Variants in PTCHD4 observed in about 807,000 individuals in gnomAD.
The protein encoded by PTCHD4 is patched domain-containing protein 4.
In PTCHD4, 33 loss-of-function variants were observed where a neutral mutation model predicts 58.1. The ratio of observed to expected loss-of-function variants is 0.57; its 90% CI spans 0.43 to 0.76. The LOEUF (loss-of-function observed/expected upper bound fraction) is 0.76, where lower values mean the gene tolerates loss of function less well. Among genes scored for constraint, PTCHD4 ranks in the 30% least tolerant of loss-of-function variants. The pLI is 0.00. For synonymous variants in PTCHD4, 478 were observed against 409.6 expected (o/e 1.17, Z -2.02); for missense variants, 1,058 against 1,027.1 (o/e 1.03, Z -0.41).
chr6:48,021,780 A>T (rs1414951644), intron 3 of PTCHD4, among the ~76,000 whole-genome samples: 2 of 152,146 alleles, frequency 1.3e-5, no homozygotes. Flanking sequence ...GTCTAAGGTT[A>T]TATCAAATTT....
rs1415135716 is a variant in PTCHD4, at chr6:47,875,586, T to C, written c.*2717A>G. On this transcript the variant is annotated 3_prime_UTR_variant, in exon 5 of 5. Coordinates refer to ENST00000339488, the MANE Select transcript of PTCHD4 (RefSeq NM_001384253.1). ...GAGTACTACGGTGTCCTGGAAAAGA[T>C]AATGTTCCTTCCAAAATGCCCTCTA... is the stretch of plus-strand genomic sequence containing the variant. Among the ~76,000 whole-genome samples, 4 of 151,874 alleles carry C rather than the reference T, an allele frequency of 2.6e-5. No individual in the cohort carries two copies. Among genetic ancestry groups the C allele is most frequent in the Non-Finnish European group, 2.9e-5 (2 of 67,886 alleles).
chr6:48,072,166 T>C (rs574681059), intron 1 of PTCHD4, among the ~76,000 whole-genome samples: 2 of 152,274 alleles, frequency 1.3e-5, no homozygotes, highest in African/African-American at 4.8e-5. Flanking sequence ...AGAGTTAGGC[T>C]CTACCTCCTT....
In PTCHD4 at chr6:48,061,249, G is replaced by A. The variant is rs554842660; in HGVS notation, c.417+6981C>T. ...GAGATGGTTGGATTTAATTTCAACA[G>A]TTTTAGAAAATATTGAACGACTGTA... On this transcript the variant is annotated intron_variant, in intron 3 of 4. Coordinates refer to ENST00000339488, the MANE Select transcript of PTCHD4 (RefSeq NM_001384253.1). 3.4e-4 allele frequency among the ~76,000 whole-genome samples: 52 copies of A among 152,134 alleles called. 1 individual carries two copies. In the South Asian group the frequency reaches 8.8e-3, roughly 26 times the overall value.
chr6:47,911,341 G>A (rs1004009662), intron 4 of PTCHD4, among the ~76,000 whole-genome samples: 1 of 152,068 alleles, frequency 6.6e-6, no homozygotes, highest in Non-Finnish European at 1.5e-5. Flanking sequence ...CCACCCAAGG[G>A]CAGCTCTTGG....
At chr6:48,062,717 C>T (rs1764672349) in intron 3 of PTCHD4, among the ~76,000 whole-genome samples, 1 of 152,058 alleles carries the variant, frequency 6.6e-6, no homozygotes, top group South Asian at 2.1e-4. Context: ...GTGCTATGAT[C>T]AAAGTCTTTC....
intron 4 of PTCHD4, among the ~76,000 whole-genome samples, chr6:47,911,270 A>G (rs568569057): frequency 2.6e-5 from 4 of 152,156 alleles, no homozygotes; most frequent in African/African-American, 9.6e-5. Context: ...AAATGGCTGC[A>G]TCTCCTCTAG....
At position 47,864,315 on chromosome 6, in the gene PTCHD4, T is replaced by TACACACAC. The variant is rs57323341; in HGVS notation, c.*13980_*13987dup. ...GCCCATTATTTTTGAGATATATATA[T>TACACACAC]ACACACACACACACATATATATATA... On this transcript the variant is annotated 3_prime_UTR_variant, in exon 5 of 5. Transcript: ENST00000339488. Among the ~76,000 whole-genome samples the TACACACAC allele has an allele frequency of 0.037, 5,503 of 148,842 alleles. 332 individuals are homozygous for TACACACAC. The highest frequency in any genetic ancestry group is 0.12 in the African/African-American group (4,936 of 40,698).
intron 4 of PTCHD4, among the ~76,000 whole-genome samples, chr6:47,936,599 C>A (rs1384196654): frequency 6.6e-6 from 1 of 152,066 alleles, no homozygotes; most frequent in Non-Finnish European, 1.5e-5. Flanking sequence ...TTTCCTATAT[C>A]CCAGTGAAGT....
intron 4 of PTCHD4, among the ~76,000 whole-genome samples, chr6:47,887,839 G>C (rs907111755): frequency 1.3e-5 from 2 of 152,128 alleles, no homozygotes; most frequent in African/African-American, 2.4e-5. Flanking sequence ...TTTATACAAT[G>C]GCCAAAGCTT....
In PTCHD4 at chr6:47,876,536, A is replaced by C. The variant is rs1272382479; in HGVS notation, c.*1767T>G. Among the ~76,000 whole-genome samples, 1 of 151,986 alleles carries C rather than the reference A, an allele frequency of 6.6e-6. No individual in the cohort carries two copies. Among genetic ancestry groups the C allele is most frequent in the African/African-American group, 2.4e-5 (1 of 41,406 alleles). ...ATCAACTTCATTTCCAGAGACTATAACGAGAATGGAATGGTTTGTACCTTT... is the reference window on the plus strand; with the variant it reads ...ATCAACTTCATTTCCAGAGACTATACCGAGAATGGAATGGTTTGTACCTTT... On this transcript the variant is annotated 3_prime_UTR_variant, in exon 5 of 5. Transcript: ENST00000339488.
At chr6:47,997,386 G>T (rs558807188) in intron 4 of PTCHD4, among the ~76,000 whole-genome samples, 234 of 151,588 alleles carry the variant, frequency 1.5e-3, no homozygotes, top group African/African-American at 5.5e-3. Flanking sequence ...CTTTTATTAT[G>T]TCACCTCAAA....
chr6:47,975,930 C>A (rs1470847156), intron 4 of PTCHD4, among the ~76,000 whole-genome samples: 2 of 152,204 alleles, frequency 1.3e-5, no homozygotes, highest in Non-Finnish European at 2.9e-5. Flanking sequence ...GCTTTGATCC[C>A]ATTTCTGCCC....
chr6:47,888,032 C>T (rs955138191), intron 4 of PTCHD4, among the ~76,000 whole-genome samples: 1 of 152,160 alleles, frequency 6.6e-6, no homozygotes, highest in African/African-American at 2.4e-5. Flanking sequence ...TTGAAATATT[C>T]CCATCCCAGT....
At chr6:48,066,475 C>A (rs1024360885) in intron 3 of PTCHD4, among the ~76,000 whole-genome samples, 31 of 152,160 alleles carry the variant, frequency 2.0e-4, no homozygotes, top group African/African-American at 7.0e-4. Context: ...GACAAAGTTT[C>A]AAATCTTTCT....
chr6:48,068,796 C>CTA lies in PTCHD4; in HGVS notation c.5+156_6-155insTA. 3 of 661,420 alleles carry CTA rather than the reference C, an allele frequency of 4.5e-6. No homozygotes were observed. Among genetic ancestry groups the CTA allele is most frequent in the Non-Finnish European group, 7.6e-6 (3 of 393,428 alleles). The allele number at this position is 661,420 out of a possible 1,614,324, so 41.0% of individuals were successfully genotyped here. On this transcript the variant is annotated intron_variant, in intron 2 of 4. Coordinates refer to ENST00000339488, the MANE Select transcript of PTCHD4 (RefSeq NM_001384253.1). This position sits in a 1 kb window ranked among gnomAD's most constrained non-coding sequence, Gnocchi z 4.2. ...TCCGCCTGGTCTTTCCCCGGCCCCA[C>CTA]CTCCATGCGCTCCTACTACTCTTTC...
chr6:48,087,105 C>G (rs1217997497), intron 1 of PTCHD4, among the ~76,000 whole-genome samples: 1 of 152,184 alleles, frequency 6.6e-6, no homozygotes, highest in East Asian at 1.9e-4. Context: ...ATCCTCCCCT[C>G]TTTTCTATGC....
intron 4 of PTCHD4, among the ~76,000 whole-genome samples, chr6:47,985,772 T>C (rs1561991540): frequency 6.6e-6 from 1 of 151,744 alleles, no homozygotes; most frequent in East Asian, 1.9e-4. Context: ...TCAATATCCA[T>C]GGAATGTGCA....
At chr6:48,061,856 T>C (rs532005600) in intron 3 of PTCHD4, among the ~76,000 whole-genome samples, 2 of 152,340 alleles carry the variant, frequency 1.3e-5, no homozygotes, top group South Asian at 4.1e-4. Context: ...AGTCATTCCA[T>C]GATTCCACCC....
In PTCHD4 at chr6:47,999,981, C is replaced by T. The variant is rs77907053; in HGVS notation, c.898+8653G>A. Among the ~76,000 whole-genome samples, 43 of 152,258 alleles carry T rather than the reference C, an allele frequency of 2.8e-4. No homozygotes were observed. The East Asian group carries it at 6.7e-3, about 24-fold the overall frequency. On this transcript the variant is annotated intron_variant, in intron 4 of 4. Coordinates refer to ENST00000339488, the MANE Select transcript of PTCHD4 (RefSeq NM_001384253.1). ...TTGCCCATCTGTGTTTTCTATACTC[C>T]GTGCTGTTGGCTAGCCAATAGAATG... is the stretch of plus-strand genomic sequence containing the variant.
Sources: gnomAD v4.1 joint callset for allele counts (sites outside exome capture counted in the v4.1 genomes callset) on GRCh38, gnomAD v4.1.1 for gene constraint, Gnocchi (gnomAD v3.1) non-coding constraint, MANE v1.5 for transcripts, NCBI Gene and HGNC (gene_info 2026-07-23, HGNC 2026-07-21) for gene names.